The following DIAPH2 variants were observed in gnomAD, a reference collection of about 807,000 sequenced individuals.
DIAPH2 encodes protein diaphanous homolog 2.
A neutral mutation model predicts 92.7 loss-of-function variants in DIAPH2; 35 were observed. The ratio of observed to expected loss-of-function variants is 0.38; its 90% CI spans 0.29 to 0.50. DIAPH2 has a LOEUF of 0.50. DIAPH2 is among the 20% of genes least tolerant of loss of function. DIAPH2 has a pLI of 0.94. For missense variants in DIAPH2, 701 were observed against 819.5 expected, an observed-to-expected ratio of 0.86 and a Z score of 1.77; for synonymous variants, 301 against 280.4, an observed-to-expected ratio of 1.07 and a Z score of -0.73.
chrX:96,943,392 T>C lies in DIAPH2; in HGVS notation c.1444+1256T>C, dbSNP rs1034935611. Among the ~76,000 whole-genome samples the C allele has an allele frequency of 3.6e-5, 4 of 111,470 alleles. No individual in the cohort carries two copies. In the Admixed American group the frequency reaches 3.8e-4, roughly 11 times the overall value. ...ATTTCTGTAAGTGAGGGTATGAACT[T>C]TCAAAAAGCCAAATGCTTTTCAGAA... On this transcript the variant is annotated intron_variant, in intron 13 of 26. Coordinates refer to ENST00000324765, the MANE Select transcript of DIAPH2 (RefSeq NM_006729.5).
intron 26 of DIAPH2, among the ~76,000 whole-genome samples, chrX:97,514,398 G>C (rs2070923014): frequency 8.9e-6 from 1 of 111,857 alleles, no homozygotes; most frequent in Admixed American, 9.4e-5. Flanking sequence ...GGTTTTTCTA[G>C]TTATACATTC....
intron 5 of DIAPH2, among the ~76,000 whole-genome samples, chrX:96,882,969 A>AAAAC (rs2065225960): frequency 2.6e-5 from 2 of 77,020 alleles, no homozygotes; most frequent in Non-Finnish European, 5.9e-5. Context: ...CAAAAAAAAA[A>AAAAC]AAAAAAAAAA....
At chrX:96,963,545 G>T in intron 16 of DIAPH2, among the ~76,000 whole-genome samples, 1 of 111,513 alleles carries the variant, frequency 9.0e-6, no homozygotes, top group Non-Finnish European at 1.9e-5. Flanking sequence ...AGGCTGAGTG[G>T]CTCTCCTATG....
chrX:96,774,377 C>T (rs2064361283), intron 4 of DIAPH2, among the ~76,000 whole-genome samples: 1 of 111,599 alleles, frequency 9.0e-6, no homozygotes, highest in African/African-American at 3.3e-5. Context: ...TATTTTCTGC[C>T]AACTGGAGAA....
chrX:97,160,322 C>T lies in DIAPH2; in HGVS notation c.2719+18528C>T, dbSNP rs187935681. ...ATGTCTGAGATTTTATCTATAGAAC[C>T]GGAAGAGAACAGAGAATCTTGTGAC... On this transcript the variant is annotated intron_variant, in intron 22 of 26. Coordinates refer to ENST00000324765, the MANE Select transcript of DIAPH2 (RefSeq NM_006729.5). 4.5e-5 allele frequency among the ~76,000 whole-genome samples: 5 copies of T among 111,854 alleles called. No individual in the cohort carries two copies. The East Asian group carries it at 1.1e-3, about 25-fold the overall frequency.
chrX:96,780,874 C>G (rs2064412883), intron 4 of DIAPH2, among the ~76,000 whole-genome samples: 1 of 107,500 alleles, frequency 9.3e-6, no homozygotes, highest in African/African-American at 3.4e-5. Flanking sequence ...GTGGCTCGAT[C>G]TCACTCACTG....
chrX:97,061,300 G>T (rs2066595736), intron 17 of DIAPH2, among the ~76,000 whole-genome samples: 1 of 112,038 alleles, frequency 8.9e-6, no homozygotes, highest in Admixed American at 9.4e-5. Context: ...GTGTCCAAAA[G>T]CAATGAAACT....
At chrX:97,222,722 C>G (rs2067935566) in intron 22 of DIAPH2, among the ~76,000 whole-genome samples, 1 of 112,144 alleles carries the variant, frequency 8.9e-6, no homozygotes, top group Non-Finnish European at 1.9e-5. Flanking sequence ...CGTCTTTATT[C>G]ATTTTCATGC....
intron 4 of DIAPH2, among the ~76,000 whole-genome samples, chrX:96,774,323 A>G (rs2064361053): frequency 9.0e-6 from 1 of 111,651 alleles, no homozygotes; most frequent in Admixed American, 9.5e-5. Context: ...CCTCTCTAAC[A>G]CTGTTAATAT....
At chrX:96,777,460 TATCAA>T (rs1300309505) in intron 4 of DIAPH2, among the ~76,000 whole-genome samples, 4 of 50,268 alleles carry the variant, frequency 8.0e-5, no homozygotes, top group Admixed American at 4.5e-4. Context: ...ACTAGAAACA[TATCAA>T]CAAGTTTCAG....
chrX:97,235,099 T>A (rs907480901), intron 22 of DIAPH2, among the ~76,000 whole-genome samples: 1 of 112,531 alleles, frequency 8.9e-6, no homozygotes, highest in African/African-American at 3.2e-5. Flanking sequence ...CCTGTATAGA[T>A]GAATTAAAAT....
chrX:97,312,426 T>A (rs1223798658), intron 23 of DIAPH2, among the ~76,000 whole-genome samples: 2 of 96,239 alleles, frequency 2.1e-5, no homozygotes, highest in Admixed American at 2.4e-4. Context: ...CTCAGCTCAT[T>A]GCAACCTCCT....
intron 19 of DIAPH2, among the ~76,000 whole-genome samples, chrX:97,083,177 G>C (rs2066759358): frequency 8.9e-6 from 1 of 111,791 alleles, no homozygotes. Flanking sequence ...ACTTGTGATA[G>C]TTATAGTATA....
At chrX:97,208,301 C>CA (rs1370358706) in intron 22 of DIAPH2, among the ~76,000 whole-genome samples, 1 of 111,575 alleles carries the variant, frequency 9.0e-6, no homozygotes, top group African/African-American at 3.2e-5. Context: ...GTCCCTTTTT[C>CA]AAAAAACATA....
chrX:96,907,900 A>G (rs2065443546), intron 5 of DIAPH2, among the ~76,000 whole-genome samples: 1 of 112,199 alleles, frequency 8.9e-6, no homozygotes, highest in African/African-American at 3.2e-5. Flanking sequence ...AATAATTAAT[A>G]GATAAACAAA....
chrX:97,151,426 G>A (rs928404508), intron 22 of DIAPH2, among the ~76,000 whole-genome samples: 10 of 110,999 alleles, frequency 9.0e-5, no homozygotes, highest in Admixed American at 4.8e-4. Context: ...GGCAGCTGCT[G>A]TCAGAGTTAA....
At chrX:96,878,039 T>G (rs1259468535) in intron 4 of DIAPH2, among the ~76,000 whole-genome samples, 1 of 112,237 alleles carries the variant, frequency 8.9e-6, no homozygotes, top group African/African-American at 3.2e-5. Flanking sequence ...TTATTACCCA[T>G]CCATTATCTA....
At chrX:97,214,484 AAAGTT>A (rs1384446748) in intron 22 of DIAPH2, among the ~76,000 whole-genome samples, 1 of 110,184 alleles carries the variant, frequency 9.1e-6, no homozygotes, top group Non-Finnish European at 1.9e-5. Flanking sequence ...GAAAAAAAAA[AAAGTT>A]GTAATGTCTT....
At chrX:97,386,475 C>G (rs2069601688) in intron 25 of DIAPH2, among the ~76,000 whole-genome samples, 1 of 111,307 alleles carries the variant, frequency 9.0e-6, no homozygotes, top group African/African-American at 3.3e-5. Context: ...CGAGACCAAC[C>G]TGGCTAATAT....
Sources: gnomAD v4.1 joint callset for allele counts (sites outside exome capture counted in the v4.1 genomes callset) on GRCh38, gnomAD v4.1.1 for gene constraint, MANE v1.5 for transcripts, NCBI Gene and HGNC (gene_info 2026-07-23, HGNC 2026-07-21) for gene names.